ARHGEF28: variants seen among roughly 807,000 people sequenced by gnomAD.
ARHGEF28 encodes 190 kDa guanine nucleotide exchange factor.
ARHGEF28 carries 152 observed loss-of-function variants against 206.6 expected under a neutral mutation model. The observed-to-expected ratio is 0.74, with a 90% CI of 0.64 to 0.84. ARHGEF28 has a LOEUF of 0.84. Ranked by LOEUF, ARHGEF28 falls within the 40% of genes least tolerant of loss-of-function variation. The probability of loss-of-function intolerance (pLI) is 0.00; values close to 1 mark genes in which losing one functional copy is unlikely to be tolerated. For synonymous variants in ARHGEF28, 763 were observed against 776.4 expected (o/e 0.98, Z 0.29); for missense variants, 2,028 against 2,073.2 (o/e 0.98, Z 0.42).
chr5:73,771,259 C>T (rs1039609738), intron 4 of ARHGEF28, among the ~76,000 whole-genome samples: 10 of 152,018 alleles, frequency 6.6e-5, no homozygotes, highest in African/African-American at 1.4e-4. Context: ...AAATTCCATC[C>T]GGGCTGGGTG....
intron 2 of ARHGEF28, among the ~76,000 whole-genome samples, chr5:73,694,768 A>T (rs1440654190): frequency 6.6e-6 from 1 of 152,202 alleles, no homozygotes; most frequent in Admixed American, 6.5e-5. Context: ...AACGGATCTT[A>T]TGAAGGTCAC....
At chr5:73,794,178 G>A (rs1754652563) in intron 7 of ARHGEF28, among the ~76,000 whole-genome samples, 1 of 152,084 alleles carries the variant, frequency 6.6e-6, no homozygotes, top group Admixed American at 6.5e-5. Context: ...GAGAGCTCCT[G>A]GGCTTGTTTC....
intron 5 of ARHGEF28, 28 bp from the exon 6 acceptor site, chr5:73,776,488 G>C (rs578139578): frequency 6.3e-7 from 1 of 1,593,474 alleles, no homozygotes; most frequent in Admixed American, 1.7e-5. Flanking sequence ...TTGAAGCTCT[G>C]TGTGGGTTTT....
chr5:73,657,001 T>A (rs967063826), intron 1 of ARHGEF28, among the ~76,000 whole-genome samples: 2 of 151,896 alleles, frequency 1.3e-5, no homozygotes, highest in Non-Finnish European at 2.9e-5. Flanking sequence ...AAATCCTGTC[T>A]CTACTAAAAA....
chr5:73,709,910 G>A (rs1022774471), intron 2 of ARHGEF28, among the ~76,000 whole-genome samples: 2 of 152,142 alleles, frequency 1.3e-5, no homozygotes, highest in African/African-American at 4.8e-5. Flanking sequence ...ACAATAGTTT[G>A]TTCCTTTATA....
chr5:73,825,732 A>G (rs2060584839), intron 9 of ARHGEF28, among the ~76,000 whole-genome samples: 1 of 152,168 alleles, frequency 6.6e-6, no homozygotes, highest in South Asian at 2.1e-4. Context: ...GTTGTGAAAG[A>G]AAGAAAACAG....
chr5:73,706,814 TCTC>T (rs1212963476), intron 2 of ARHGEF28, among the ~76,000 whole-genome samples: 1 of 152,296 alleles, frequency 6.6e-6, no homozygotes, highest in South Asian at 2.1e-4. Flanking sequence ...AGGTGCCCTC[TCTC>T]CTCCTCCCCG....
At chr5:73,719,722 T>C (rs1476947468) in intron 2 of ARHGEF28, among the ~76,000 whole-genome samples, 6 of 152,256 alleles carry the variant, frequency 3.9e-5, no homozygotes, top group Non-Finnish European at 8.8e-5. Flanking sequence ...GATTCATAAA[T>C]AATCACTTCT....
chr5:73,656,867 C>T (rs1477032626), intron 1 of ARHGEF28, among the ~76,000 whole-genome samples: 5 of 152,096 alleles, frequency 3.3e-5, no homozygotes, highest in Non-Finnish European at 1.5e-5. Context: ...CTTCTTGCTG[C>T]TCCTATAAAA....
chr5:73,848,246 A>T (rs949215039), intron 12 of ARHGEF28, among the ~76,000 whole-genome samples: 1 of 152,144 alleles, frequency 6.6e-6, no homozygotes, highest in Non-Finnish European at 1.5e-5. Context: ...TGTTTTAATG[A>T]TCTTGCCATC....
rs1419363166 is a variant in ARHGEF28, at chr5:73,769,032, A to G, written c.476-4823A>G. On this transcript the variant is annotated intron_variant, in intron 4 of 35. Coordinates refer to ENST00000513042, the MANE Select transcript of ARHGEF28 (RefSeq NM_001177693.2). Reference sequence around the variant, plus strand: ...TAAGAAGTGCCTTTTGCCTTCCACCATGATTGTGAGGCCTCCCTAGCCATA... The same window carrying G: ...TAAGAAGTGCCTTTTGCCTTCCACCGTGATTGTGAGGCCTCCCTAGCCATA... Among the ~76,000 whole-genome samples the G allele has an allele frequency of 7.8e-4, 119 of 151,764 alleles. 1 individual carries two copies. Among genetic ancestry groups the G allele is most frequent in the African/African-American group, 2.7e-3 (111 of 41,100 alleles).
chr5:73,782,819 G>A (rs1031065632), intron 7 of ARHGEF28, among the ~76,000 whole-genome samples: 2 of 152,158 alleles, frequency 1.3e-5, no homozygotes, highest in Non-Finnish European at 2.9e-5. Context: ...ACCTGTAGCC[G>A]ATCAAGTTTC....
At position 73,909,831 on chromosome 5, in the gene ARHGEF28, G is replaced by C; in HGVS notation, c.4581G>C (p.Leu1527=). 5 of 1,540,226 alleles carry C rather than the reference G, an allele frequency of 3.2e-6. No homozygotes were observed. The South Asian group carries it at 6.2e-5, about 19-fold the overall frequency. Residue 1527 remains leucine, a synonymous_variant, in exon 34 of 36, where the codon CTG becomes CTC. Coordinates refer to ENST00000513042, the MANE Select transcript of ARHGEF28 (RefSeq NM_001177693.2). The stretch of plus-strand genomic sequence containing the variant: ...CGAGGATGCGGGCCCAGCAGAGCCT[G>C]CTGGGCCACTGGAAGCACGGCCGGC... The part of the protein sequence containing the change: ...EQARMRAQQS[L]LGHWKHGRQR...
intron 9 of ARHGEF28, among the ~76,000 whole-genome samples, chr5:73,829,810 A>G (rs964942354): frequency 6.6e-6 from 1 of 152,216 alleles, no homozygotes; most frequent in Admixed American, 6.5e-5. Context: ...AAAGATGGGT[A>G]CTAAAGAATA....
chr5:73,762,165 C>T (rs574126645), intron 4 of ARHGEF28, among the ~76,000 whole-genome samples: 10 of 151,958 alleles, frequency 6.6e-5, no homozygotes, highest in African/African-American at 2.4e-4. Flanking sequence ...TTAAAAAAAT[C>T]TATTTTGAGG....
intron 2 of ARHGEF28, among the ~76,000 whole-genome samples, chr5:73,727,290 T>TG (rs1241948463): frequency 6.6e-6 from 1 of 152,206 alleles, no homozygotes; most frequent in Non-Finnish European, 1.5e-5. Context: ...GTGATCTTCT[T>TG]GGGGAGTTTG....
intron 1 of ARHGEF28, among the ~76,000 whole-genome samples, chr5:73,683,626 G>A (rs1747246735): frequency 1.3e-5 from 2 of 151,680 alleles, no homozygotes; most frequent in African/African-American, 4.8e-5. Flanking sequence ...TAAAGGGGCA[G>A]GCACACCGAG....
In ARHGEF28 at chr5:73,631,095, A is replaced by C. The variant is rs538820299; in HGVS notation, c.-12+4773A>C. Reference sequence around the variant, plus strand: ...GTCCTCTTCTTCTGAAGAACCCCTCATGTAGAAGAGGGGTGGTATAGCTCT... The same window carrying C: ...GTCCTCTTCTTCTGAAGAACCCCTCCTGTAGAAGAGGGGTGGTATAGCTCT... On this transcript the variant is annotated intron_variant, in intron 1 of 35. Coordinates refer to ENST00000513042, the MANE Select transcript of ARHGEF28 (RefSeq NM_001177693.2). Among the ~76,000 whole-genome samples the C allele has an allele frequency of 1.1e-4, 16 of 152,224 alleles. No individual in the cohort carries two copies. The East Asian group carries it at 2.9e-3, about 28-fold the overall frequency.
At position 73,883,791 on chromosome 5, in the gene ARHGEF28, C is replaced by A; in HGVS notation, c.2962C>A (p.Arg988=). The A allele has an allele frequency of 6.4e-7, 1 of 1,559,352 alleles. No homozygotes were observed. The highest frequency in any genetic ancestry group is 8.7e-7 in the Non-Finnish European group (1 of 1,152,382). Residue 988 remains arginine, a synonymous_variant, in exon 24 of 36, where the codon CGA becomes AGA. Coordinates refer to ENST00000513042, the MANE Select transcript of ARHGEF28 (RefSeq NM_001177693.2). ...IKLRNSNLLA[R]RRGIPECILL... is the part of the protein sequence containing the mutation. ...GCTCCGAAATAGTAATCTTTTGGCT[C>A]GACGCCGAGGAATTCCAGAATGCAT...
Sources: allele counts gnomAD v4.1 joint callset (sites outside exome capture counted in the v4.1 genomes callset), GRCh38; gene constraint gnomAD v4.1.1; transcripts MANE v1.5; gene names NCBI Gene and HGNC (gene_info 2026-07-23, HGNC 2026-07-21).